VWC2L: variants seen among roughly 807,000 people sequenced by gnomAD.
VWC2L encodes von Willebrand factor C domain-containing protein 2-like.
Under a neutral mutation model 21.6 loss-of-function variants are expected in VWC2L, and 10 were observed. The ratio of observed to expected loss-of-function variants is 0.46; its 90% CI spans 0.29 to 0.78. The LOEUF (loss-of-function observed/expected upper bound fraction) is 0.78, where lower values mean the gene tolerates loss of function less well. Ranked by LOEUF, VWC2L falls within the 30% of genes least tolerant of loss-of-function variation. The pLI is 0.10. For missense variants in VWC2L, 209 were observed against 277.1 expected, an observed-to-expected ratio of 0.75 and a Z score of 1.74; for synonymous variants, 96 against 94.3, an observed-to-expected ratio of 1.02 and a Z score of -0.10.
intron 3 of VWC2L, among the ~76,000 whole-genome samples, chr2:214,541,723 G>A (rs1452950513): frequency 6.6e-6 from 1 of 152,118 alleles, no homozygotes; most frequent in Non-Finnish European, 1.5e-5. Flanking sequence ...CAATTAGCAT[G>A]TACGAGACTC....
intron 2 of VWC2L, among the ~76,000 whole-genome samples, chr2:214,423,268 G>T (rs528455537): frequency 6.6e-6 from 1 of 151,950 alleles, no homozygotes; most frequent in Non-Finnish European, 1.5e-5. Context: ...ACTTTTGAGC[G>T]CTGACCATAG....
chr2:214,457,521 C>T (rs946271926), intron 3 of VWC2L, among the ~76,000 whole-genome samples: 4 of 151,992 alleles, frequency 2.6e-5, no homozygotes, highest in Non-Finnish European at 4.4e-5. Context: ...GATTCAAGTA[C>T]TGCGTTGAGT....
At chr2:214,542,224 C>T (rs1421479984) in intron 3 of VWC2L, among the ~76,000 whole-genome samples, 2 of 152,144 alleles carry the variant, frequency 1.3e-5, no homozygotes, top group African/African-American at 2.4e-5. Context: ...GGACTATTTG[C>T]ATCTGATCAT....
At chr2:214,497,495 A>G (rs1190191630) in intron 3 of VWC2L, among the ~76,000 whole-genome samples, 1 of 152,204 alleles carries the variant, frequency 6.6e-6, no homozygotes, top group Non-Finnish European at 1.5e-5. Flanking sequence ...TCATAGGTAC[A>G]CAAGTATTAT....
intron 3 of VWC2L, among the ~76,000 whole-genome samples, chr2:214,488,922 T>C (rs1244791376): frequency 6.6e-6 from 1 of 152,156 alleles, no homozygotes. Flanking sequence ...GGAGCATCAA[T>C]TCGTTCATGA....
intron 3 of VWC2L, among the ~76,000 whole-genome samples, chr2:214,555,288 G>A (rs942510025): frequency 6.6e-6 from 1 of 152,164 alleles, no homozygotes; most frequent in African/African-American, 2.4e-5. Flanking sequence ...ATGTCTGCTT[G>A]TAACTTCTAC....
intron 3 of VWC2L, among the ~76,000 whole-genome samples, chr2:214,502,141 T>G (rs1384042386): frequency 6.6e-6 from 1 of 152,242 alleles, no homozygotes; most frequent in African/African-American, 2.4e-5. Context: ...ATATTTTTCA[T>G]TTTTTCCTCC....
intron 1 of VWC2L, among the ~76,000 whole-genome samples, chr2:214,413,526 A>T (rs1702308692): frequency 1.3e-5 from 2 of 152,278 alleles, no homozygotes; most frequent in South Asian, 4.1e-4. Flanking sequence ...CCAGACTCAC[A>T]TTCACTTAAA....
intron 3 of VWC2L, among the ~76,000 whole-genome samples, chr2:214,445,804 TTC>T (rs1271161086): frequency 6.6e-6 from 1 of 152,042 alleles, no homozygotes; most frequent in Non-Finnish European, 1.5e-5. Context: ...ATATAATTTT[TTC>T]TTTTACTAAA....
At chr2:214,452,342 T>A (rs1349676206) in intron 3 of VWC2L, among the ~76,000 whole-genome samples, 1 of 152,172 alleles carries the variant, frequency 6.6e-6, no homozygotes, top group Non-Finnish European at 1.5e-5. Flanking sequence ...AGACAGGTTT[T>A]TGCCATGTTG....
chr2:214,555,871 A>G (rs1191926836), intron 3 of VWC2L, among the ~76,000 whole-genome samples: 1 of 152,200 alleles, frequency 6.6e-6, no homozygotes, highest in Non-Finnish European at 1.5e-5. Flanking sequence ...CATCATATAA[A>G]ATCTCAATCA....
At chr2:214,483,751 C>T (rs1688638398) in intron 3 of VWC2L, among the ~76,000 whole-genome samples, 1 of 152,152 alleles carries the variant, frequency 6.6e-6, no homozygotes. Context: ...GAATGAGACT[C>T]TTAACCTGCT....
rs377746729 is a variant in VWC2L at position 214,498,790 on chromosome 2, T to C, written c.520+62032T>C. 1.4e-4 allele frequency among the ~76,000 whole-genome samples: 21 copies of C among 150,292 alleles called. No homozygotes were observed. In the East Asian group the frequency reaches 3.7e-3, roughly 26 times the overall value. On this transcript the variant is annotated intron_variant, in intron 3 of 3. Transcript: ENST00000312504. ...ATACATGTATTTTAATATGTGTACATATACATATAAATCTACCACTGGATT... is the reference window on the plus strand; with the variant it reads ...ATACATGTATTTTAATATGTGTACACATACATATAAATCTACCACTGGATT...
chr2:214,528,516 T>A (rs1018214885), intron 3 of VWC2L, among the ~76,000 whole-genome samples: 2 of 152,320 alleles, frequency 1.3e-5, no homozygotes, highest in Middle Eastern at 3.4e-3. Context: ...AGATAAAAGT[T>A]TTAGTTCCTT....
intron 3 of VWC2L, among the ~76,000 whole-genome samples, chr2:214,474,823 A>G (rs1294003360): frequency 6.6e-6 from 1 of 152,132 alleles, no homozygotes. Flanking sequence ...CACATAATAA[A>G]TCCTGGCAAT....
At chr2:214,575,619 G>T in intron 3 of VWC2L, 53 bp from the exon 4 acceptor site, 1 of 1,595,616 alleles carries the variant, frequency 6.3e-7, no homozygotes, top group Non-Finnish European at 8.6e-7. Flanking sequence ...ATGGTGGGGA[G>T]AAAGGGAGCC....
intron 3 of VWC2L, among the ~76,000 whole-genome samples, chr2:214,541,075 T>C (rs932184624): frequency 2.0e-5 from 3 of 152,186 alleles, no homozygotes; most frequent in African/African-American, 4.8e-5. Context: ...GCTAATAATA[T>C]GCAGGCTGTT....
intron 3 of VWC2L, among the ~76,000 whole-genome samples, chr2:214,440,568 A>G (rs559713884): frequency 1.3e-5 from 2 of 152,098 alleles, no homozygotes; most frequent in Non-Finnish European, 2.9e-5. Flanking sequence ...ATGTCACGGC[A>G]ATATTTCAAA....
intron 3 of VWC2L, among the ~76,000 whole-genome samples, chr2:214,438,229 G>T (rs1476893054): frequency 6.6e-6 from 1 of 151,964 alleles, no homozygotes; most frequent in Non-Finnish European, 1.5e-5. Flanking sequence ...GAGAAGAAAG[G>T]CTCAGGTGAG....
Sources: allele counts gnomAD v4.1 joint callset (sites outside exome capture counted in the v4.1 genomes callset), GRCh38; gene constraint gnomAD v4.1.1; transcripts MANE v1.5; gene names NCBI Gene and HGNC (gene_info 2026-07-23, HGNC 2026-07-21).